Variants in LYSMD2 observed in about 807,000 individuals in gnomAD.
The protein encoded by LYSMD2 is LysM domain containing 2.
In LYSMD2, 6 loss-of-function variants were observed where a neutral mutation model predicts 17.7. The ratio of observed to expected loss-of-function variants is 0.34; its 90% CI spans 0.19 to 0.67. LYSMD2 has a LOEUF of 0.67. Ranked by LOEUF, LYSMD2 falls within the 30% of genes least tolerant of loss-of-function variation. LYSMD2 has a pLI of 0.69. For synonymous variants in LYSMD2, 102 were observed against 129.8 expected (o/e 0.79, Z 1.45); for missense variants, 237 against 286.7 (o/e 0.83, Z 1.25).
At chr15:51,723,976 G>C (rs1337604092) in intron 2 of LYSMD2, among the ~76,000 whole-genome samples, 1 of 151,230 alleles carries the variant, frequency 6.6e-6, no homozygotes, top group Non-Finnish European at 1.5e-5. Flanking sequence ...TTTCCCAAAA[G>C]GATTTAAGGT....
upstream of LYSMD2, chr15:51,737,671 C>T (rs1178795568): frequency 7.7e-6 from 9 of 1,175,292 alleles, no homozygotes; most frequent in Non-Finnish European, 9.5e-6. This position sits in a 1 kb window ranked among gnomAD's most constrained non-coding sequence, Gnocchi z 4.2. Flanking sequence ...GGGGGCGGCG[C>T]CTCCTCCTCC....
Position 51,737,398 on chromosome 15 carries a change from G to A in LYSMD2, c.225C>T (p.Val75=). ...TGCCCTGCAGCGTGTCGCCCGCGCG[G>A]ACCCGGTGCTCCACATGGCGCTCGA... ...GVIERHVEHR[V]RAGDTLQGIA... is the part of the protein sequence containing the mutation. The change falls in exon 1 of 3, where the codon GTC becomes GTT. Residue 75 remains valine (V), a synonymous_variant. Coordinates refer to ENST00000267838, the MANE Select transcript of LYSMD2 (RefSeq NM_153374.3). The surrounding 1 kb of genome is among the most constrained non-coding windows in gnomAD (Gnocchi z 4.2). The A allele has an allele frequency of 1.4e-6, 2 of 1,457,968 alleles. No homozygotes were observed. Among genetic ancestry groups the A allele is most frequent in the Non-Finnish European group, 1.8e-6 (2 of 1,110,602 alleles). 90.3% of individuals were successfully genotyped at this position (1,457,968 alleles called of 1,614,324 possible).
rs564142672 is a variant in LYSMD2, at chr15:51,723,937, A to G, written c.606-288T>C. On this transcript the variant is annotated intron_variant, in intron 2 of 2. Transcript: ENST00000267838. The stretch of plus-strand genomic sequence containing the variant: ...TATACTAAATTATATTCATATTTAT[A>G]TTTGTTTATGTTTTCTATATTCTAC... 4.0e-5 allele frequency among the ~76,000 whole-genome samples: 6 copies of G among 151,540 alleles called. No homozygotes were observed. The East Asian group carries it at 1.2e-3, about 29-fold the overall frequency.
At chr15:51,723,698 G>A (rs755446864) in intron 2 of LYSMD2, 49 bp from the exon 3 acceptor site, 1 of 1,375,128 alleles carries the variant, frequency 7.3e-7, no homozygotes, top group East Asian at 2.4e-5. Context: ...ACTGTATGCA[G>A]AAAACTAAAA....
chr15:51,750,075 C>T (rs955884389), intron 1 of LYSMD2, among the ~76,000 whole-genome samples: 13 of 152,152 alleles, frequency 8.5e-5, no homozygotes, highest in Admixed American at 2.0e-4. Context: ...AAGGTATGGC[C>T]CTATTTTGCA....
Position 51,737,285 on chromosome 15 carries a change from C to A in LYSMD2, c.273+65G>T. The A allele has an allele frequency of 8.0e-7, 1 of 1,251,210 alleles. No homozygotes were observed. Among genetic ancestry groups the A allele is most frequent in the Non-Finnish European group, 1.0e-6 (1 of 988,036 alleles). The allele number at this position is 1,251,210 out of a possible 1,614,324, so 77.5% of individuals were successfully genotyped here. A position where few individuals can be genotyped will look rare whatever the true frequency, so the allele number is the denominator to read the frequency against. ...AGTCCCACCCCCACCCCCACCGCAC[C>A]CCGAGCCGCACCGCCTCCTGCGCGG... is the stretch of plus-strand genomic sequence containing the variant. On this transcript the variant is annotated intron_variant, in intron 1 of 2. Coordinates refer to ENST00000267838, the MANE Select transcript of LYSMD2 (RefSeq NM_153374.3). This position sits in a 1 kb window ranked among gnomAD's most constrained non-coding sequence, Gnocchi z 4.2.
intron 1 of LYSMD2, among the ~76,000 whole-genome samples, chr15:51,729,943 G>C (rs1444165669): frequency 6.6e-6 from 1 of 152,178 alleles, no homozygotes; most frequent in Non-Finnish European, 1.5e-5. Context: ...ACTAGAAAAT[G>C]TGTCCTTTCA....
chr15:51,723,762 A>AAT, intron 2 of LYSMD2, 113 bp from the exon 3 acceptor site: 1 of 724,816 alleles, frequency 1.4e-6, no homozygotes, highest in Non-Finnish European at 2.2e-6. Context: ...ATCAACTTAG[A>AAT]ATATTGTGCA....
At position 51,737,619 on chromosome 15, in the gene LYSMD2, C is replaced by A; in HGVS notation, c.4G>T (p.Ala2Ser). ...AGGGACAGTGCGGGCGAGGAATCCG[C>A]CATGGGTCCTGCCGAGGCCGCCGGG... The part of the protein sequence containing the change: M[A>S]DSSPALSLRE... The change falls in exon 1 of 3, where the codon GCG becomes TCG. Residue 2 changes from alanine to serine, a missense_variant. Physicochemically the swap from Ala to Ser is moderately conservative, Grantham distance 99 (BLOSUM62 1). Transcript: ENST00000267838. The surrounding 1 kb of genome is among the most constrained non-coding windows in gnomAD (Gnocchi z 4.2). 1 of 1,208,362 alleles carries A rather than the reference C, an allele frequency of 8.3e-7. No homozygotes were observed. The highest frequency in any genetic ancestry group is 1.0e-6 in the Non-Finnish European group (1 of 973,430). 74.9% of individuals were successfully genotyped at this position (1,208,362 alleles called of 1,614,324 possible). A position where few individuals can be genotyped will look rare whatever the true frequency, so the allele number is the denominator to read the frequency against.
intron 1 of LYSMD2, among the ~76,000 whole-genome samples, chr15:51,735,000 C>T (rs2055599492): frequency 6.6e-6 from 1 of 152,058 alleles, no homozygotes; most frequent in African/African-American, 2.4e-5. Flanking sequence ...CATAATGAGA[C>T]CCCATTTCTA....
upstream of LYSMD2, chr15:51,737,790 C>T (rs893426501): frequency 5.1e-5 from 22 of 434,920 alleles, no homozygotes; most frequent in African/African-American, 3.9e-4. This position sits in a 1 kb window ranked among gnomAD's most constrained non-coding sequence, Gnocchi z 4.2. Flanking sequence ...GCATGGCGGG[C>T]GCCTCCTCCT....
At chr15:51,742,456 T>C (rs965158071), upstream of LYSMD2, among the ~76,000 whole-genome samples, 1 of 152,264 alleles carries the variant, frequency 6.6e-6, no homozygotes, top group Non-Finnish European at 1.5e-5. Context: ...TTTCCTTTTG[T>C]GTCTGGCTTA....
rs2055514728 is a variant in LYSMD2, at chr15:51,723,313, A to T, written c.*294T>A. 1 of 283,828 alleles carries T rather than the reference A, an allele frequency of 3.5e-6. No homozygotes were observed. Among genetic ancestry groups the T allele is most frequent in the Non-Finnish European group, 6.7e-6 (1 of 149,630 alleles). 17.6% of individuals were successfully genotyped at this position (283,828 alleles called of 1,614,324 possible). ...AGCCTAAATATATAAATAATCTTTG[A>T]TGCTTTATGTCAATTAGTATTTATA... On this transcript the variant is annotated 3_prime_UTR_variant, in exon 3 of 3. Transcript: ENST00000267838.
At position 51,723,199 on chromosome 15, in the gene LYSMD2, TTA is replaced by T. The variant is rs1394624492; in HGVS notation, c.*406_*407del. On this transcript the variant is annotated 3_prime_UTR_variant, in exon 3 of 3. Transcript: ENST00000267838. ...TCGAAATATATATATAGCACTTAAG[TTA>T]TAAACACACAGCAAATTCAGCATCA... 1 of 168,630 alleles carries T rather than the reference TTA, an allele frequency of 5.9e-6. No homozygotes were observed. The highest frequency in any genetic ancestry group is 2.4e-5 in the African/African-American group (1 of 41,564). The allele number at this position is 168,630 out of a possible 1,614,324, so 10.4% of individuals were successfully genotyped here.
At chr15:51,744,399 CAT>C (rs2055657282) in intron 1 of LYSMD2, among the ~76,000 whole-genome samples, 1 of 152,080 alleles carries the variant, frequency 6.6e-6, no homozygotes, top group African/African-American at 2.4e-5. Flanking sequence ...TTGATATAAT[CAT>C]ATGACTTTTT....
chr15:51,739,904 G>C (rs1310026862), upstream of LYSMD2, among the ~76,000 whole-genome samples: 3 of 152,132 alleles, frequency 2.0e-5, no homozygotes, highest in African/African-American at 7.2e-5. Flanking sequence ...TCCAGCCTCA[G>C]CAACACAGTG....
At chr15:51,735,992 A>G (rs1470135912) in intron 1 of LYSMD2, among the ~76,000 whole-genome samples, 1 of 152,268 alleles carries the variant, frequency 6.6e-6, no homozygotes, top group Non-Finnish European at 1.5e-5. Flanking sequence ...GATGGATATC[A>G]AAAGTAATAT....
At chr15:51,749,140 A>C (rs2055684147) in intron 1 of LYSMD2, among the ~76,000 whole-genome samples, 1 of 152,232 alleles carries the variant, frequency 6.6e-6, no homozygotes, top group South Asian at 2.1e-4. Context: ...AACTTACAAG[A>C]TATGGTCCAG....
At chr15:51,726,086 T>C (rs577618305) in intron 1 of LYSMD2, among the ~76,000 whole-genome samples, 60 of 152,380 alleles carry the variant, frequency 3.9e-4, no homozygotes, top group African/African-American at 1.4e-3. Context: ...TCCTGCTTTG[T>C]TATAAGCTGA....
Sources: allele counts gnomAD v4.1 joint callset (sites outside exome capture counted in the v4.1 genomes callset), GRCh38; gene constraint gnomAD v4.1.1; non-coding constraint Gnocchi (gnomAD v3.1); transcripts MANE v1.5; gene names NCBI Gene and HGNC (gene_info 2026-07-23, HGNC 2026-07-21).